The following UST variants were observed in gnomAD, a reference collection of about 807,000 sequenced individuals.
UST encodes chondroitin sulfate 2-O-sulfotransferase.
In UST, 21 loss-of-function variants were observed where a neutral mutation model predicts 45.6. The ratio of observed to expected loss-of-function variants is 0.46; its 90% CI spans 0.33 to 0.66. The LOEUF is 0.66. UST is among the 30% of genes least tolerant of loss of function. The probability of loss-of-function intolerance (pLI) is 0.02; values close to 1 mark genes in which losing one functional copy is unlikely to be tolerated. For missense variants in UST, 463 were observed against 512.4 expected (o/e 0.90, Z 0.93); for synonymous variants, 215 against 200.6 (o/e 1.07, Z -0.61).
intron 2 of UST, among the ~76,000 whole-genome samples, chr6:148,911,384 G>A (rs1392567075): frequency 1.3e-5 from 2 of 152,168 alleles, no homozygotes; most frequent in African/African-American, 2.4e-5. Context: ...TGGCCCAAGG[G>A]AGAGAACCAC....
chr6:148,857,406 G>GT (rs1562278822), intron 1 of UST, among the ~76,000 whole-genome samples: 1 of 152,110 alleles, frequency 6.6e-6, no homozygotes, highest in African/African-American at 2.4e-5. Context: ...TACGCCCACC[G>GT]TAAGTTCTGC....
chr6:149,005,004 A>ATTT (rs5880823), intron 5 of UST, among the ~76,000 whole-genome samples: 5 of 148,406 alleles, frequency 3.4e-5, no homozygotes, highest in African/African-American at 1.2e-4. Flanking sequence ...CCTCCAGCTG[A>ATTT]TTTTTTTTTT....
chr6:148,779,582 G>A (rs1024001274), intron 1 of UST, among the ~76,000 whole-genome samples: 5 of 152,180 alleles, frequency 3.3e-5, no homozygotes, highest in African/African-American at 7.2e-5. Flanking sequence ...CACTCAGCCC[G>A]CTCCACGGGA....
chr6:148,906,132 G>A (rs1255349839), intron 2 of UST, among the ~76,000 whole-genome samples: 2 of 152,148 alleles, frequency 1.3e-5, no homozygotes, highest in Admixed American at 1.3e-4. Context: ...CCTCTAGCGC[G>A]GTGCTGTAGG....
intron 2 of UST, among the ~76,000 whole-genome samples, chr6:148,920,466 C>T (rs548559178): frequency 6.6e-6 from 1 of 152,126 alleles, no homozygotes; most frequent in Non-Finnish European, 1.5e-5. Context: ...GGGGTAGGAG[C>T]AAAGTTCTTC....
chr6:148,915,438 G>A (rs1268507056), intron 2 of UST, among the ~76,000 whole-genome samples: 1 of 152,026 alleles, frequency 6.6e-6, no homozygotes, highest in South Asian at 2.1e-4. Context: ...GGAGATAAGA[G>A]GGTAGGAAAA....
intron 1 of UST, among the ~76,000 whole-genome samples, chr6:148,873,911 G>A (rs752754330): frequency 1.6e-4 from 24 of 152,342 alleles, no homozygotes; most frequent in Admixed American, 9.1e-4. Flanking sequence ...CACCTTACCT[G>A]CTCTGTACTT....
At chr6:148,867,851 A>C (rs929196730) in intron 1 of UST, among the ~76,000 whole-genome samples, 2 of 152,202 alleles carry the variant, frequency 1.3e-5, no homozygotes, top group Admixed American at 1.3e-4. Flanking sequence ...CTACATGATA[A>C]ATAAGGTGAT....
intron 1 of UST, among the ~76,000 whole-genome samples, chr6:148,830,378 G>T (rs140830807): frequency 6.6e-6 from 1 of 152,284 alleles, no homozygotes; most frequent in Admixed American, 6.5e-5. Context: ...ATTAATATGG[G>T]AAGTGATAGA....
chr6:148,904,159 G>A (rs115341527), intron 2 of UST, among the ~76,000 whole-genome samples: 219 of 152,306 alleles, frequency 1.4e-3, no homozygotes, highest in African/African-American at 5.1e-3. Context: ...CACAACTGTG[G>A]TCTGAAATTA....
At chr6:149,001,171 A>T (rs1021146784) in intron 5 of UST, among the ~76,000 whole-genome samples, 4 of 150,440 alleles carry the variant, frequency 2.7e-5, no homozygotes, top group African/African-American at 7.4e-5. Context: ...TCCCAGGTTC[A>T]TGCCATTCTC....
intron 5 of UST, among the ~76,000 whole-genome samples, chr6:148,999,580 C>G (rs1013446247): frequency 6.6e-6 from 1 of 152,230 alleles, no homozygotes; most frequent in Non-Finnish European, 1.5e-5. Flanking sequence ...CTCACAGGGT[C>G]TGTAAGAAGA....
intron 2 of UST, among the ~76,000 whole-genome samples, chr6:148,892,362 C>G (rs1409598345): frequency 3.9e-5 from 6 of 152,260 alleles, no homozygotes; most frequent in Middle Eastern, 6.8e-3. Flanking sequence ...CCACTCTAGT[C>G]AATGAAATTA....
At chr6:148,940,440 C>G (rs1443699239) in intron 2 of UST, among the ~76,000 whole-genome samples, 4 of 151,884 alleles carry the variant, frequency 2.6e-5, no homozygotes, top group Non-Finnish European at 5.9e-5. Context: ...GTTGGTGAGC[C>G]CAGGATCATG....
Position 148,887,027 on chromosome 6 carries a change from A to G in UST, c.289A>G (p.Lys97Glu). 6.2e-7 allele frequency: 1 copy of G among 1,612,556 alleles called. No homozygotes were observed. Among genetic ancestry groups the G allele is most frequent in the Non-Finnish European group, 8.5e-7 (1 of 1,179,100 alleles). The change falls in exon 2 of 8, where the codon AAG becomes GAG. Residue 97 changes from lysine to glutamate, a missense_variant and splice_region_variant. Around this residue, in one of 2 missense-constraint regions of UST, gnomAD observed 176 missense variants for 138.3 expected, o/e 1.27. Transcript: ENST00000367463. The stretch of plus-strand genomic sequence containing the variant: ...GGATGACCATGGACCACCTCCTAGT[A>G]AGGTAAGATCTTTGCTTGTGATATA... ...YLDDHGPPPS[K>E]VLPFPSQVVY... is the part of the protein sequence containing the mutation.
At chr6:148,862,198 A>G (rs1418347278) in intron 1 of UST, among the ~76,000 whole-genome samples, 2 of 152,208 alleles carry the variant, frequency 1.3e-5, no homozygotes, top group African/African-American at 2.4e-5. Flanking sequence ...GGGTGCATAT[A>G]TATTTAGGAT....
chr6:148,764,652 C>A (rs1168608105), intron 1 of UST, among the ~76,000 whole-genome samples: 1 of 152,070 alleles, frequency 6.6e-6, no homozygotes, highest in Non-Finnish European at 1.5e-5. Flanking sequence ...CCATGATGCC[C>A]CCTGAGCTGT....
chr6:149,039,064 G>A (rs1265080509), intron 7 of UST, among the ~76,000 whole-genome samples: 1 of 152,168 alleles, frequency 6.6e-6, no homozygotes, highest in East Asian at 1.9e-4. Context: ...GAGAACTGCA[G>A]TTGTTAGTTG....
chr6:148,992,163 A>G (rs1310099971), intron 5 of UST, among the ~76,000 whole-genome samples: 2 of 152,246 alleles, frequency 1.3e-5, no homozygotes, highest in Non-Finnish European at 2.9e-5. Flanking sequence ...AGAACACCTT[A>G]GGATTCTTAT....
Sources: allele counts gnomAD v4.1 joint callset (sites outside exome capture counted in the v4.1 genomes callset), GRCh38; gene constraint gnomAD v4.1.1; regional missense constraint gnomAD v4.1.1; transcripts MANE v1.5; gene names NCBI Gene and HGNC (gene_info 2026-07-23, HGNC 2026-07-21).